The following ZNF680 variants were observed in gnomAD, a reference collection of about 807,000 sequenced individuals.
ZNF680 encodes the protein hypothetical protein FLJ90430.
ZNF680 carries 6 observed loss-of-function variants against 12.1 expected under a neutral mutation model. The observed-to-expected ratio is 0.49, with a 90% confidence interval of 0.27 to 0.98. The LOEUF (loss-of-function observed/expected upper bound fraction) is 0.98, where lower values mean the gene tolerates loss of function less well. Among genes scored for constraint, ZNF680 ranks in the 50% least tolerant of loss-of-function variants. The probability of loss-of-function intolerance (pLI) is 0.12; values close to 1 mark genes in which losing one functional copy is unlikely to be tolerated. For synonymous variants in ZNF680, 170 were observed against 199.3 expected (o/e 0.85, Z 1.24); for missense variants, 561 against 616.3 (o/e 0.91, Z 0.95).
At chr7:64,539,351 C>CAAAAAAAAAAAAAAAAAAAAA (rs1170166478) in intron 3 of ZNF680, among the ~76,000 whole-genome samples, 5 of 48,496 alleles carry the variant, frequency 1.0e-4, no homozygotes, top group African/African-American at 1.0e-4. Flanking sequence ...AACTTCGTCT[C>CAAAAAAAAAAAAAAAAAAAAA]AAAAAAAAAA....
At position 64,521,499 on chromosome 7, in the gene ZNF680, A is replaced by C; in HGVS notation, c.1255T>G (p.Ser419Ala). 1 of 1,613,328 alleles carries C rather than the reference A, an allele frequency of 6.2e-7. No homozygotes were observed. The highest frequency in any genetic ancestry group is 2.2e-5 in the East Asian group (1 of 44,836). The part of the protein sequence containing the change: ...EECGKAFNGC[S>A]SLTRHKRIHT... Reference sequence around the variant, plus strand: ...ATTCTCTTATGTCGAGTAAGGCTGGAGCACCCATTAAAAGCTTTGCCACAT... The same window carrying C: ...ATTCTCTTATGTCGAGTAAGGCTGGCGCACCCATTAAAAGCTTTGCCACAT... The change falls in exon 4 of 4, where the codon TCC becomes GCC. Residue 419 changes from serine (S) to alanine (A), a missense_variant. Physicochemically the swap from Ser to Ala is moderately conservative, Grantham distance 99 (BLOSUM62 1). Transcript: ENST00000309683.
chr7:64,534,783 G>A (rs1411995221), intron 3 of ZNF680, among the ~76,000 whole-genome samples: 1 of 152,112 alleles, frequency 6.6e-6, no homozygotes, highest in Non-Finnish European at 1.5e-5. Flanking sequence ...AATCAACAAT[G>A]GGATAAAGAA....
At chr7:64,519,393 T>G (rs73355704), downstream of ZNF680, among the ~76,000 whole-genome samples, 11,715 of 151,908 alleles carry the variant, frequency 0.077, 908 homozygotes, top group East Asian at 0.36. Context: ...CTGGTGTGAA[T>G]GTAAATTAGC....
At chr7:64,562,007 G>A (rs1352939190) in intron 1 of ZNF680, among the ~76,000 whole-genome samples, 9 of 150,870 alleles carry the variant, frequency 6.0e-5, no homozygotes, top group Non-Finnish European at 1.3e-4. Context: ...GGCCGAGGCG[G>A]GCAGATCACA....
At chr7:64,511,026 C>T in the ZNF680 span, among the ~76,000 whole-genome samples, 2 of 151,390 alleles carry the variant, frequency 1.3e-5, no homozygotes, top group Non-Finnish European at 1.5e-5. Context: ...AATCCCAGCA[C>T]TTTGGGAGGC....
chr7:64,501,786 T>A, the ZNF680 span: 1 of 715,908 alleles, frequency 1.4e-6, no homozygotes, highest in African/African-American at 1.8e-5. Flanking sequence ...GGTGCTTCTC[T>A]AAGATCAAAT....
At chr7:64,551,307 T>C (rs1022068688) in intron 1 of ZNF680, among the ~76,000 whole-genome samples, 11 of 152,144 alleles carry the variant, frequency 7.2e-5, no homozygotes, top group Non-Finnish European at 1.3e-4. Context: ...CTATTTACAT[T>C]TTGAAGCAAT....
In ZNF680 at chr7:64,563,038, G is replaced by A. The variant is rs1787835037; in HGVS notation, c.-84C>T. On this transcript the variant is annotated 5_prime_UTR_variant, in exon 1 of 4. Coordinates refer to ENST00000309683, the MANE Select transcript of ZNF680 (RefSeq NM_178558.5). Reference sequence around the variant, plus strand: ...GGAGCAGAATACACAGAGCAGTAAAGACTAGACCTGGAGCTCCCGCAGCAG... The same window carrying A: ...GGAGCAGAATACACAGAGCAGTAAAAACTAGACCTGGAGCTCCCGCAGCAG... 2.0e-6 allele frequency: 3 copies of A among 1,518,040 alleles called. No individual in the cohort carries two copies. Among genetic ancestry groups the A allele is most frequent in the East Asian group, 2.3e-5 (1 of 43,744 alleles). The allele number at this position is 1,518,040 out of a possible 1,614,324, so 94.0% of individuals were successfully genotyped here.
At chr7:64,503,571 G>T in the ZNF680 span, among the ~76,000 whole-genome samples, 1 of 151,998 alleles carries the variant, frequency 6.6e-6, no homozygotes, top group East Asian at 1.9e-4. Context: ...AGGAGAGATG[G>T]GGTTTCACCA....
Position 64,539,351 on chromosome 7 carries a change from C to CAAAAAAAAAAAAAAA in ZNF680, c.253+4341_253+4355dup, listed in dbSNP as rs1170166478. Among the ~76,000 whole-genome samples, 26 of 48,454 alleles carry CAAAAAAAAAAAAAAA rather than the reference C, an allele frequency of 5.4e-4. 1 individual carries two copies. Among genetic ancestry groups the CAAAAAAAAAAAAAAA allele is most frequent in the African/African-American group, 8.2e-4 (8 of 9,784 alleles). The allele number at this position is 48,454 out of a possible 152,430, so 31.8% of individuals were successfully genotyped here. A position where few individuals can be genotyped will look rare whatever the true frequency, so the allele number is the denominator to read the frequency against. ...GGGCAACAAGAGCAAAACTTCGTCT[C>CAAAAAAAAAAAAAAA]AAAAAAAAAAAAAAAAAAAAAAAAG... On this transcript the variant is annotated intron_variant, in intron 3 of 3. Transcript: ENST00000309683.
chr7:64,500,005 CAGA>C, the ZNF680 span, among the ~76,000 whole-genome samples: 1 of 152,160 alleles, frequency 6.6e-6, no homozygotes, highest in Non-Finnish European at 1.5e-5. Context: ...CGAAGAGACA[CAGA>C]AGCAGTCCAA....
At chr7:64,508,505 A>C in the ZNF680 span, among the ~76,000 whole-genome samples, 1 of 152,158 alleles carries the variant, frequency 6.6e-6, no homozygotes, top group African/African-American at 2.4e-5. Context: ...AGAGCTAATA[A>C]ATTTCCTGTA....
downstream of ZNF680, among the ~76,000 whole-genome samples, chr7:64,516,769 T>C (rs1330936622): frequency 6.6e-6 from 1 of 152,174 alleles, no homozygotes; most frequent in Admixed American, 6.5e-5. Flanking sequence ...TATCAAGTAC[T>C]TTCTCTGACC....
the ZNF680 span, among the ~76,000 whole-genome samples, chr7:64,503,488 C>T: frequency 6.8e-6 from 1 of 146,070 alleles, no homozygotes; most frequent in Non-Finnish European, 1.5e-5. Flanking sequence ...TCAAGCGATT[C>T]TCCTGCCTCA....
At position 64,520,523 on chromosome 7, in the gene ZNF680, A is replaced by G. The variant is rs1002269055; in HGVS notation, c.*638T>C. On this transcript the variant is annotated 3_prime_UTR_variant, in exon 4 of 4. Coordinates refer to ENST00000309683, the MANE Select transcript of ZNF680 (RefSeq NM_178558.5). ...ATTATTTAATATTTACATAGACTCAATTTTGGATTAAATATTTTTCATACT... is the reference window on the plus strand; with the variant it reads ...ATTATTTAATATTTACATAGACTCAGTTTTGGATTAAATATTTTTCATACT... The G allele has an allele frequency of 3.3e-5, 5 of 151,826 alleles. No individual in the cohort carries two copies. The highest frequency in any genetic ancestry group is 7.4e-5 in the Non-Finnish European group (5 of 67,758). The allele number at this position is 151,826 out of a possible 1,614,324, so 9.4% of individuals were successfully genotyped here.
intron 1 of ZNF680, among the ~76,000 whole-genome samples, chr7:64,555,206 C>G (rs1584407343): frequency 6.6e-6 from 1 of 152,198 alleles, no homozygotes; most frequent in East Asian, 1.9e-4. Flanking sequence ...AAACAACATA[C>G]TATACATTCT....
At chr7:64,557,834 A>G (rs1408226267) in intron 1 of ZNF680, among the ~76,000 whole-genome samples, 5 of 152,316 alleles carry the variant, frequency 3.3e-5, no homozygotes, top group Non-Finnish European at 7.4e-5. Flanking sequence ...CAAAGAGAGG[A>G]AAAACAGACA....
intron 1 of ZNF680, among the ~76,000 whole-genome samples, chr7:64,553,803 T>C (rs1787219900): frequency 6.6e-6 from 1 of 152,166 alleles, no homozygotes. Context: ...GCCGGGCTGG[T>C]CTCCAGCTCC....
At chr7:64,525,197 C>T (rs1336337342) in intron 3 of ZNF680, 4 of 152,076 alleles carry the variant, frequency 2.6e-5, no homozygotes, top group Non-Finnish European at 5.9e-5. Flanking sequence ...AAGGTAAAAA[C>T]GTACACTAGT....
Sources: gnomAD v4.1 joint callset for allele counts (sites outside exome capture counted in the v4.1 genomes callset) on GRCh38, gnomAD v4.1.1 for gene constraint, MANE v1.5 for transcripts, NCBI Gene and HGNC (gene_info 2026-07-23, HGNC 2026-07-21) for gene names.